The following EIF4G3 variants were observed in gnomAD, a reference collection of about 807,000 sequenced individuals.
The protein encoded by EIF4G3 is eIF-4-gamma 3.
EIF4G3 carries 34 observed loss-of-function variants against 186.4 expected under a neutral mutation model. That is an observed-to-expected ratio of 0.18 (90% CI 0.14 to 0.24). The LOEUF (loss-of-function observed/expected upper bound fraction) is 0.24, where lower values mean the gene tolerates loss of function less well. Among genes scored for constraint, EIF4G3 ranks in the 10% least tolerant of loss-of-function variants. The probability of loss-of-function intolerance (pLI) is 1.00; values close to 1 mark genes in which losing one functional copy is unlikely to be tolerated. For missense variants in EIF4G3, 1,536 were observed against 1,948.5 expected, an observed-to-expected ratio of 0.79 and a Z score of 3.99; for synonymous variants, 673 against 679.5, an observed-to-expected ratio of 0.99 and a Z score of 0.15.
chr1:20,922,639 T>C (rs923402369), intron 14 of EIF4G3, among the ~76,000 whole-genome samples: 4 of 152,240 alleles, frequency 2.6e-5, no homozygotes, highest in African/African-American at 4.8e-5. Flanking sequence ...CTCTGGTTTC[T>C]GATACACAGC....
chr1:21,072,244 A>G (rs1275243247), intron 3 of EIF4G3, among the ~76,000 whole-genome samples: 1 of 152,200 alleles, frequency 6.6e-6, no homozygotes, highest in East Asian at 1.9e-4. Context: ...TTGAAAAGCA[A>G]CACCACTGGC....
At chr1:20,815,028 G>T (rs919089524) in intron 34 of EIF4G3, among the ~76,000 whole-genome samples, 3 of 73,874 alleles carry the variant, frequency 4.1e-5, no homozygotes, top group Non-Finnish European at 5.5e-5. Context: ...CGAGTGATCC[G>T]CCAGCCTCGG....
intron 4 of EIF4G3, among the ~76,000 whole-genome samples, chr1:21,041,169 TA>T (rs2093557227): frequency 6.6e-6 from 1 of 152,238 alleles, no homozygotes; most frequent in Non-Finnish European, 1.5e-5. Context: ...ATTTACTTTG[TA>T]TTTCCCCTTT....
rs144837966 is a variant in EIF4G3 at position 21,049,522 on chromosome 1, G to A, written c.-67+1344C>T. On this transcript the variant is annotated intron_variant, in intron 4 of 36. Coordinates refer to ENST00000602326, the MANE Select transcript of EIF4G3 (RefSeq NM_001391906.1). ...ATGTTTAAAACTCCAAATTATATAGGAATGATTTAGACTAAGTTTAGGTAT... is the reference window on the plus strand; with the variant it reads ...ATGTTTAAAACTCCAAATTATATAGAAATGATTTAGACTAAGTTTAGGTAT... 5.1e-3 allele frequency among the ~76,000 whole-genome samples: 783 copies of A among 152,208 alleles called. 7 individuals are homozygous for A. Among genetic ancestry groups the A allele is most frequent in the African/African-American group, 0.018 (753 of 41,518 alleles).
intron 2 of EIF4G3, among the ~76,000 whole-genome samples, chr1:21,154,436 A>G (rs1329445729): frequency 6.6e-6 from 1 of 152,252 alleles, no homozygotes; most frequent in Admixed American, 6.5e-5. Context: ...GCAACATTCT[A>G]CGAAATTATC....
At chr1:20,988,603 T>C (rs1450853610) in intron 7 of EIF4G3, among the ~76,000 whole-genome samples, 1 of 152,180 alleles carries the variant, frequency 6.6e-6, no homozygotes, top group African/African-American at 2.4e-5. Flanking sequence ...CATGGTTTGC[T>C]GGCTATTTTA....
At chr1:21,089,110 C>A in intron 3 of EIF4G3, 28 bp downstream of exon 3, 1 of 712,600 alleles carries the variant, frequency 1.4e-6, no homozygotes, top group Non-Finnish European at 2.6e-6. Flanking sequence ...AAAGCACACA[C>A]ACAATTTGAC....
intron 25 of EIF4G3, 141 bp downstream of exon 25, chr1:20,857,262 A>T: frequency 1.5e-6 from 1 of 684,742 alleles, no homozygotes; most frequent in Non-Finnish European, 2.6e-6. Flanking sequence ...CACCCCATGG[A>T]TTTGCAATAT....
chr1:20,937,088 T>G (rs1481702169), intron 14 of EIF4G3, among the ~76,000 whole-genome samples: 1 of 152,200 alleles, frequency 6.6e-6, no homozygotes, highest in Non-Finnish European at 1.5e-5. Flanking sequence ...AGAGAGATCT[T>G]GGATCCCTGC....
intron 3 of EIF4G3, among the ~76,000 whole-genome samples, chr1:21,053,643 G>A (rs1328255720): frequency 7.1e-6 from 1 of 141,038 alleles, no homozygotes; most frequent in African/African-American, 2.6e-5. Context: ...GAGGTGAGGG[G>A]CGCCTCTGCC....
At chr1:20,816,448 T>C (rs1212323893) in intron 34 of EIF4G3, among the ~76,000 whole-genome samples, 2 of 83,898 alleles carry the variant, frequency 2.4e-5, no homozygotes, top group South Asian at 4.7e-4. Flanking sequence ...TACTGGGAAG[T>C]GAGGACCCCT....
chr1:21,078,503 T>A (rs2095658829), intron 3 of EIF4G3, among the ~76,000 whole-genome samples: 1 of 152,138 alleles, frequency 6.6e-6, no homozygotes, highest in African/African-American at 2.4e-5. Flanking sequence ...AGTACAAACA[T>A]ACAGTTAAAT....
At chr1:20,894,659 T>C (rs186185495) in intron 17 of EIF4G3, among the ~76,000 whole-genome samples, 3 of 152,274 alleles carry the variant, frequency 2.0e-5, no homozygotes, top group Non-Finnish European at 1.5e-5. Flanking sequence ...GGTTAAGAGG[T>C]AGATATGATT....
In EIF4G3 at chr1:20,904,998, T is replaced by C. The variant is rs367630039; in HGVS notation, c.1664-27A>G. The stretch of plus-strand genomic sequence containing the variant: ...TGAAATACAAGATCAGGCCCATTAC[T>C]TGCCACTGCAAAGTCATTCTGAGAA... On this transcript the variant is annotated intron_variant, in intron 14 of 36. Transcript: ENST00000602326. 19 of 1,547,634 alleles carry C rather than the reference T, an allele frequency of 1.2e-5. No homozygotes were observed. In the African/African-American group the frequency reaches 2.2e-4, roughly 18 times the overall value.
chr1:21,044,321 A>T (rs929417949), intron 4 of EIF4G3, among the ~76,000 whole-genome samples: 2 of 152,182 alleles, frequency 1.3e-5, no homozygotes, highest in African/African-American at 4.8e-5. Context: ...CCTATAAAAT[A>T]TTCATATTTA....
chr1:20,917,265 G>A (rs1318014219), intron 14 of EIF4G3, among the ~76,000 whole-genome samples: 1 of 152,264 alleles, frequency 6.6e-6, no homozygotes, highest in African/African-American at 2.4e-5. Context: ...GGGAGGCCAA[G>A]GCAGGTGGAT....
chr1:21,004,111 C>T (rs1399561142), intron 4 of EIF4G3, among the ~76,000 whole-genome samples: 1 of 152,168 alleles, frequency 6.6e-6, no homozygotes, highest in African/African-American at 2.4e-5. Flanking sequence ...TTGAGGAAGA[C>T]ATCTCAGAGC....
intron 18 of EIF4G3, among the ~76,000 whole-genome samples, chr1:20,890,863 T>C (rs1469403468): frequency 6.6e-6 from 1 of 152,248 alleles, no homozygotes; most frequent in Non-Finnish European, 1.5e-5. Flanking sequence ...ATGTCTGTTA[T>C]CTAGGAGATA....
chr1:21,023,603 C>T (rs1287695402), intron 4 of EIF4G3, among the ~76,000 whole-genome samples: 2 of 152,030 alleles, frequency 1.3e-5, no homozygotes, highest in African/African-American at 2.4e-5. Flanking sequence ...GATCTCGGCT[C>T]GCTACAACCT....
Sources: gnomAD v4.1 joint callset for allele counts (sites outside exome capture counted in the v4.1 genomes callset) on GRCh38, gnomAD v4.1.1 for gene constraint, MANE v1.5 for transcripts, NCBI Gene and HGNC (gene_info 2026-07-23, HGNC 2026-07-21) for gene names.